PNKD: variants seen among roughly 807,000 people sequenced by gnomAD.
PNKD encodes the protein PNKD metallo-beta-lactamase domain containing.
In PNKD, 36 loss-of-function variants were observed where a neutral mutation model predicts 45.3. That is an observed-to-expected ratio of 0.80 (90% CI 0.61 to 1.05). The LOEUF (loss-of-function observed/expected upper bound fraction) is 1.05, where lower values mean the gene tolerates loss of function less well. PNKD is among the 50% of genes least tolerant of loss of function. The pLI, the probability that PNKD is intolerant of heterozygous loss-of-function variation, is 0.00. For missense variants in PNKD, 511 were observed against 506.6 expected, an observed-to-expected ratio of 1.01 and a Z score of -0.08; for synonymous variants, 197 against 210.1, an observed-to-expected ratio of 0.94 and a Z score of 0.54.
chr2:218,293,646 C>T (rs145907833), intron 2 of PNKD, among the ~76,000 whole-genome samples: 5 of 136,812 alleles, frequency 3.7e-5, no homozygotes, highest in Admixed American at 3.3e-4. Context: ...AGTGCAGTGG[C>T]GCCATCTCGG....
At chr2:218,332,110 CT>C (rs1192700526) in intron 2 of PNKD, among the ~76,000 whole-genome samples, 1 of 152,170 alleles carries the variant, frequency 6.6e-6, no homozygotes, top group Non-Finnish European at 1.5e-5. Flanking sequence ...CCACTGAAGA[CT>C]TTTGAGCAGG....
chr2:218,335,698 G>A (rs773683546), intron 2 of PNKD, among the ~76,000 whole-genome samples: 12 of 152,072 alleles, frequency 7.9e-5, no homozygotes, highest in Non-Finnish European at 1.6e-4. Context: ...AATAAAGGTT[G>A]GCAAAGCCCT....
intron 2 of PNKD, among the ~76,000 whole-genome samples, chr2:218,299,757 G>A (rs1249078673): frequency 6.6e-6 from 1 of 152,042 alleles, no homozygotes; most frequent in South Asian, 2.1e-4. Flanking sequence ...AAGTAGCTGG[G>A]ATTACAGGCA....
chr2:218,271,174 G>A (rs1690815452), intron 1 of PNKD: 1 of 619,562 alleles, frequency 1.6e-6, no homozygotes, highest in South Asian at 1.9e-5. Flanking sequence ...TGAGCCCGCA[G>A]TGACGTGGAA....
chr2:218,271,982 ATT>A (rs1294019191), intron 2 of PNKD, among the ~76,000 whole-genome samples: 2 of 152,132 alleles, frequency 1.3e-5, no homozygotes, highest in African/African-American at 2.4e-5. Flanking sequence ...AGAAATCAAC[ATT>A]TTTTTCTGCA....
intron 2 of PNKD, chr2:218,323,154 G>C: frequency 7.4e-7 from 1 of 1,342,298 alleles, no homozygotes; most frequent in South Asian, 1.8e-5. Context: ...GCGGGGCGGG[G>C]CCACAACGCC....
intron 9 of PNKD, 42 bp downstream of exon 9, chr2:218,344,612 C>G (rs1388931780): frequency 5.2e-6 from 8 of 1,536,518 alleles, no homozygotes; most frequent in Non-Finnish European, 7.2e-6. Context: ...TGGGCAGGCA[C>G]TCAGCCCCAA....
At chr2:218,342,475 G>T (rs565381260) in intron 7 of PNKD, among the ~76,000 whole-genome samples, 56 of 152,242 alleles carry the variant, frequency 3.7e-4, no homozygotes, top group Non-Finnish European at 7.1e-4. Flanking sequence ...TGAGGTGGGA[G>T]GATCACCTGA....
intron 2 of PNKD, among the ~76,000 whole-genome samples, chr2:218,310,557 T>C (rs1174648664): frequency 6.6e-6 from 1 of 150,810 alleles, no homozygotes; most frequent in Non-Finnish European, 1.5e-5. Flanking sequence ...GGACCACATG[T>C]ATAACAATGG....
At position 218,345,865 on chromosome 2, in the gene PNKD, T is replaced by A. The variant is rs1694815609; in HGVS notation, c.*884T>A. 1 of 152,450 alleles carries A rather than the reference T, an allele frequency of 6.6e-6. No homozygotes were observed. The highest frequency in any genetic ancestry group is 2.1e-4 in the South Asian group (1 of 4,836). The allele number at this position is 152,450 out of a possible 1,614,324, so 9.4% of individuals were successfully genotyped here. ...GTATTCTCATTTTGGCCCTTGTTCT[T>A]AGGCCCGTCTGCCCGCCTTCCTCCA... On this transcript the variant is annotated 3_prime_UTR_variant, in exon 10 of 10. Transcript: ENST00000273077.
At chr2:218,293,309 G>A (rs1453824323) in intron 2 of PNKD, among the ~76,000 whole-genome samples, 1 of 152,230 alleles carries the variant, frequency 6.6e-6, no homozygotes, top group Non-Finnish European at 1.5e-5. Flanking sequence ...GCCTGGGCAT[G>A]GTGACTCACA....
chr2:218,288,784 G>T (rs1049077134), intron 2 of PNKD, among the ~76,000 whole-genome samples: 3 of 152,128 alleles, frequency 2.0e-5, no homozygotes, highest in African/African-American at 7.2e-5. Flanking sequence ...TGTTTTCTTG[G>T]GGGTGGAAGG....
At position 218,305,347 on chromosome 2, in the gene PNKD, AGTTTGTAT is replaced by A. The variant is rs955668043; in HGVS notation, c.236+33805_236+33812del. On this transcript the variant is annotated intron_variant, in intron 2 of 9. Coordinates refer to ENST00000273077, the MANE Select transcript of PNKD (RefSeq NM_015488.5). Reference sequence around the variant, plus strand: ...GAGCTCAGTCTTGTTTTTGCCTGTTAGTTTGTATGTTTGTTTGTTTCTGAGACAGGGTC... The same window carrying A: ...GAGCTCAGTCTTGTTTTTGCCTGTTAGTTTGTTTGTTTCTGAGACAGGGTC... 4.3e-3 allele frequency among the ~76,000 whole-genome samples: 656 copies of A among 151,900 alleles called. 6 individuals carry two copies. The highest frequency in any genetic ancestry group is 0.015 in the African/African-American group (611 of 41,424).
intron 2 of PNKD, chr2:218,279,881 C>T: frequency 1.5e-6 from 1 of 674,096 alleles, no homozygotes; most frequent in East Asian, 2.7e-5. Context: ...CCAGGTGCCC[C>T]TCTGAGAAGC....
At chr2:218,287,028 A>G (rs1003978178) in intron 2 of PNKD, among the ~76,000 whole-genome samples, 1 of 152,086 alleles carries the variant, frequency 6.6e-6, no homozygotes, top group Admixed American at 6.5e-5. Flanking sequence ...CACGAGAGCA[A>G]ATGAGTAAAA....
intron 2 of PNKD, among the ~76,000 whole-genome samples, chr2:218,300,756 G>A (rs1204546170): frequency 6.6e-6 from 1 of 151,288 alleles, no homozygotes; most frequent in Non-Finnish European, 1.5e-5. Context: ...TGTTGGTCAG[G>A]CTGGTCTCGA....
In PNKD at chr2:218,340,772, T is replaced by C. The variant is rs751436462; in HGVS notation, c.510T>C (p.Cys170=). 4.3e-6 allele frequency: 7 copies of C among 1,613,948 alleles called. No homozygotes were observed. In the Admixed American group the frequency reaches 1.2e-4, roughly 27 times the overall value. The change falls in exon 5 of 10, where the codon TGT becomes TGC. Residue 170 remains cysteine, a synonymous_variant. Coordinates refer to ENST00000273077, the MANE Select transcript of PNKD (RefSeq NM_015488.5). The surrounding 1 kb of genome is among the most constrained non-coding windows in gnomAD (Gnocchi z 4.2). ...KEGVTLVAIL[C]THKHWDHSGG... ...GGGTCACCTTGGTCGCCATTCTGTG[T>C]ACTCACAAGCACTGGTAAGGGGCTC...
Position 218,345,284 on chromosome 2 carries a change from A to G in PNKD, c.*303A>G. 2.9e-6 allele frequency: 1 copy of G among 339,772 alleles called. No homozygotes were observed. The highest frequency in any genetic ancestry group is 5.4e-6 in the Non-Finnish European group (1 of 184,356). The allele number at this position is 339,772 out of a possible 1,614,324, so 21.0% of individuals were successfully genotyped here. On this transcript the variant is annotated 3_prime_UTR_variant, in exon 10 of 10. Coordinates refer to ENST00000273077, the MANE Select transcript of PNKD (RefSeq NM_015488.5). The stretch of plus-strand genomic sequence containing the variant: ...TGGGAGGGTCCCCTCCTCCTTCCCT[A>G]CTCCTGGGACGGCAGCAAGGACATG...
intron 2 of PNKD, chr2:218,286,594 C>T (rs1235373370): frequency 6.6e-6 from 1 of 152,166 alleles, no homozygotes; most frequent in Non-Finnish European, 1.5e-5. Flanking sequence ...TGCTGGGTGT[C>T]AAGGTTTTCA....
Sources: allele counts gnomAD v4.1 joint callset (sites outside exome capture counted in the v4.1 genomes callset), GRCh38; gene constraint gnomAD v4.1.1; non-coding constraint Gnocchi (gnomAD v3.1); transcripts MANE v1.5; gene names NCBI Gene and HGNC (gene_info 2026-07-23, HGNC 2026-07-21).